Variants in GABRA6 observed in about 807,000 individuals in gnomAD.
GABRA6 encodes the protein gamma-aminobutyric acid type A receptor subunit alpha6.
GABRA6 carries 45 observed loss-of-function variants against 47.3 expected under a neutral mutation model. That is an observed-to-expected ratio of 0.95 (90% CI 0.75 to 1.22). The LOEUF is 1.22. Ranked by LOEUF, GABRA6 falls within the 50% of genes most tolerant of loss-of-function variation. The pLI, the probability that GABRA6 is intolerant of heterozygous loss-of-function variation, is 0.00. For missense variants in GABRA6, 583 were observed against 549.3 expected, an observed-to-expected ratio of 1.06 and a Z score of -0.61; for synonymous variants, 219 against 194.7, an observed-to-expected ratio of 1.12 and a Z score of -1.04.
chr5:161,695,309 A>G lies in GABRA6; in HGVS notation c.1086+3109A>G, dbSNP rs9313893. 3.8e-3 allele frequency among the ~76,000 whole-genome samples: 585 copies of G among 152,294 alleles called. 5 individuals carry two copies. Among genetic ancestry groups the G allele is most frequent in the African/African-American group, 0.014 (565 of 41,574 alleles). The stretch of plus-strand genomic sequence containing the variant: ...AAAGCTAAATCTTCAGAAATGCTCT[A>G]TAGACTAATTATCTTTCTGTTTTTA... On this transcript the variant is annotated intron_variant, in intron 8 of 8. Coordinates refer to ENST00000274545, the MANE Select transcript of GABRA6 (RefSeq NM_000811.3).
At chr5:161,692,917 A>C (rs1231835185) in intron 8 of GABRA6, among the ~76,000 whole-genome samples, 2 of 152,192 alleles carry the variant, frequency 1.3e-5, no homozygotes, top group African/African-American at 2.4e-5. Flanking sequence ...CCAGATTTCA[A>C]TTTTGCATAA....
chr5:161,693,831 A>T (rs1055831559), intron 8 of GABRA6, among the ~76,000 whole-genome samples: 1 of 152,072 alleles, frequency 6.6e-6, no homozygotes, highest in African/African-American at 2.4e-5. Flanking sequence ...AATAATAATA[A>T]TAATAATCAG....
At chr5:161,700,075 C>T (rs753100092) in intron 8 of GABRA6, among the ~76,000 whole-genome samples, 2 of 152,208 alleles carry the variant, frequency 1.3e-5, no homozygotes, top group Non-Finnish European at 2.9e-5. Flanking sequence ...CAGTAAGTTT[C>T]ATGGCAAATC....
chr5:161,694,578 C>T (rs937483002), intron 8 of GABRA6, among the ~76,000 whole-genome samples: 1 of 152,024 alleles, frequency 6.6e-6, no homozygotes, highest in African/African-American at 2.4e-5. Context: ...AAAATAGTAA[C>T]ATATAATGAG....
intron 7 of GABRA6, among the ~76,000 whole-genome samples, chr5:161,690,884 C>A (rs903224912): frequency 2.6e-5 from 4 of 151,992 alleles, no homozygotes; most frequent in African/African-American, 9.7e-5. Context: ...GTGACACATT[C>A]CAGTGTTTTT....
chr5:161,686,961 C>T lies in GABRA6; in HGVS notation c.183C>T (p.Asp61=), dbSNP rs1200199646. The T allele has an allele frequency of 1.9e-6, 3 of 1,613,844 alleles. No homozygotes were observed. Among genetic ancestry groups the T allele is most frequent in the Admixed American group, 1.7e-5 (1 of 59,988 alleles). Residue 61 remains aspartate, a synonymous_variant, in exon 3 of 9, where the codon GAC becomes GAT. Transcript: ENST00000274545. ...FGGAVTEVKT[D]IYVTSFGPVS... is the part of the protein sequence containing the mutation. ...GTGCTGTCACTGAAGTCAAAACAGA[C>T]ATTTATGTGACCAGTTTTGGGCCCG...
At chr5:161,693,298 A>G (rs1425699134) in intron 8 of GABRA6, among the ~76,000 whole-genome samples, 1 of 152,150 alleles carries the variant, frequency 6.6e-6, no homozygotes, top group Admixed American at 6.5e-5. Flanking sequence ...TTGTTTGAGA[A>G]TTTATATTTT....
In GABRA6 at chr5:161,701,894, TGTAACGCAGCTTCC is replaced by T; in HGVS notation, c.*126_*139del. On this transcript the variant is annotated 3_prime_UTR_variant, in exon 9 of 9. Coordinates refer to ENST00000274545, the MANE Select transcript of GABRA6 (RefSeq NM_000811.3). The stretch of plus-strand genomic sequence containing the variant: ...AGAACATGAAATCAAATTGGAAATC[TGTAACGCAGCTTCC>T]GTAAGCATGTGTGGGCAAAAAAGCA... 9.1e-7 allele frequency: 1 copy of T among 1,099,670 alleles called. No individual in the cohort carries two copies. The highest frequency in any genetic ancestry group is 1.5e-5 in the African/African-American group (1 of 64,532). 68.1% of individuals were successfully genotyped at this position (1,099,670 alleles called of 1,614,324 possible). A position where few individuals can be genotyped will look rare whatever the true frequency, so the allele number is the denominator to read the frequency against.
At position 161,686,107 on chromosome 5, in the gene GABRA6, A is replaced by G. The variant is rs1200724161; in HGVS notation, c.38+80A>G. ...TATACATCCATTGGGTGACTCCTATATCAAATCATGAAAGAGGCCAGAAGT... is the reference window on the plus strand; with the variant it reads ...TATACATCCATTGGGTGACTCCTATGTCAAATCATGAAAGAGGCCAGAAGT... On this transcript the variant is annotated intron_variant, in intron 1 of 8. Transcript: ENST00000274545. The G allele has an allele frequency of 2.1e-6, 3 of 1,455,432 alleles. No individual in the cohort carries two copies. In the East Asian group the frequency reaches 6.8e-5, roughly 33 times the overall value. The allele number at this position is 1,455,432 out of a possible 1,614,324, so 90.2% of individuals were successfully genotyped here.
In GABRA6 at chr5:161,691,962, T is replaced by C. The variant is rs1561725398; in HGVS notation, c.848T>C (p.Met283Thr). The C allele has an allele frequency of 1.2e-6, 2 of 1,614,020 alleles. No individual in the cohort carries two copies. The highest frequency in any genetic ancestry group is 1.3e-5 in the African/African-American group (1 of 75,068). Residue 283 changes from methionine to threonine, a missense_variant, in exon 8 of 9, where the codon ATG (methionine) becomes ACG (threonine). Coordinates refer to ENST00000274545, the MANE Select transcript of GABRA6 (RefSeq NM_000811.3). ...TTAGGGATCACCACTGTTTTAACTA[T>C]GACCACTTTGAGCATCAGTGCCCGG... is the stretch of plus-strand genomic sequence containing the variant. ...TVFGITTVLT[M>T]TTLSISARHS...
rs1239675471 is a variant in GABRA6, at chr5:161,702,348, T to G, written c.*575T>G. The stretch of plus-strand genomic sequence containing the variant: ...TTACCTCAATAAAATGTGGTGTTTG[T>G]ATACATATAAATTATACATAGCTCA... On this transcript the variant is annotated 3_prime_UTR_variant, in exon 9 of 9. Transcript: ENST00000274545. 6.3e-6 allele frequency: 1 copy of G among 157,750 alleles called. No homozygotes were observed. Among genetic ancestry groups the G allele is most frequent in the Non-Finnish European group, 1.4e-5 (1 of 71,220 alleles). The allele number at this position is 157,750 out of a possible 1,614,324, so 9.8% of individuals were successfully genotyped here.
Position 161,702,100 on chromosome 5 carries a change from CA to C in GABRA6, c.*329del. On this transcript the variant is annotated 3_prime_UTR_variant, in exon 9 of 9. Transcript: ENST00000274545. ...TTGTCACTGTAAATAACATTTACCA[CA>C]AGGCAGATAAAATAAGAAATGCTGA... 3.4e-6 allele frequency: 1 copy of C among 293,516 alleles called. No homozygotes were observed. Among genetic ancestry groups the C allele is most frequent in the South Asian group, 4.4e-5 (1 of 22,710 alleles). The allele number at this position is 293,516 out of a possible 1,614,324, so 18.2% of individuals were successfully genotyped here.
chr5:161,699,891 T>A (rs1754951194), intron 8 of GABRA6, among the ~76,000 whole-genome samples: 2 of 152,240 alleles, frequency 1.3e-5, no homozygotes, highest in Admixed American at 6.5e-5. Context: ...ACCACAGTAC[T>A]GGGCCAATAG....
Position 161,692,005 on chromosome 5 carries a change from G to T in GABRA6, c.891G>T (p.Val297=). The T allele has an allele frequency of 6.2e-7, 1 of 1,614,072 alleles. No individual in the cohort carries two copies. The highest frequency in any genetic ancestry group is 1.1e-5 in the South Asian group (1 of 91,082). ...SISARHSLPK[V]SYATAMDWFI... The stretch of plus-strand genomic sequence containing the variant: ...GTGCCCGGCACTCTTTGCCAAAAGT[G>T]TCATATGCCACTGCCATGGATTGGT... Residue 297 remains valine, a synonymous_variant, in exon 8 of 9, where the codon GTG becomes GTT. Coordinates refer to ENST00000274545, the MANE Select transcript of GABRA6 (RefSeq NM_000811.3).
intron 8 of GABRA6, among the ~76,000 whole-genome samples, chr5:161,700,617 C>G (rs1030233278): frequency 1.3e-5 from 2 of 152,202 alleles, no homozygotes; most frequent in African/African-American, 4.8e-5. Context: ...ATGGAGAAGG[C>G]ATTTCCCCTA....
intron 8 of GABRA6, among the ~76,000 whole-genome samples, chr5:161,696,155 G>C (rs1754882140): frequency 6.6e-6 from 1 of 152,124 alleles, no homozygotes; most frequent in Admixed American, 6.6e-5. Flanking sequence ...AATTAGCCTG[G>C]CTCTGTGCTA....
At chr5:161,687,502 T>A (rs1224983146) in intron 3 of GABRA6, 1 of 456,126 alleles carries the variant, frequency 2.2e-6, no homozygotes. Flanking sequence ...GACCAGTAGG[T>A]GTTCTGGGGA....
At chr5:161,694,265 G>C (rs1226655207) in intron 8 of GABRA6, among the ~76,000 whole-genome samples, 2 of 150,144 alleles carry the variant, frequency 1.3e-5, no homozygotes, top group Non-Finnish European at 3.0e-5. Context: ...GTGCTTATCA[G>C]GATTCAGCTT....
Position 161,690,331 on chromosome 5 carries a change from C to A in GABRA6, c.804C>A (p.Ser268=). The A allele has an allele frequency of 6.2e-7, 1 of 1,613,560 alleles. No individual in the cohort carries two copies. The highest frequency in any genetic ancestry group is 1.1e-5 in the South Asian group (1 of 91,072). Residue 268 remains serine, a synonymous_variant, in exon 7 of 9, where the codon TCC becomes TCA. Transcript: ENST00000274545. ...TGTCTTTCTGGATTAATAAGGAGTC[C>A]GTCCCAGCAAGAACTGTTTTTGGTA... ...SQVSFWINKE[S]VPARTVFGIT... is the part of the protein sequence containing the mutation.
Sources: allele counts gnomAD v4.1 joint callset (sites outside exome capture counted in the v4.1 genomes callset), GRCh38; gene constraint gnomAD v4.1.1; transcripts MANE v1.5; gene names NCBI Gene and HGNC (gene_info 2026-07-23, HGNC 2026-07-21).